Variants in NEDD9 observed in about 807,000 individuals in gnomAD.
NEDD9 encodes enhancer of filamentation 1.
NEDD9 carries 26 observed loss-of-function variants against 76.6 expected under a neutral mutation model. That is an observed-to-expected ratio of 0.34 (90% CI 0.25 to 0.47). The LOEUF (loss-of-function observed/expected upper bound fraction) is 0.47, where lower values mean the gene tolerates loss of function less well. Among genes scored for constraint, NEDD9 ranks in the 20% least tolerant of loss-of-function variants. The pLI is 1.00. For synonymous variants in NEDD9, 392 were observed against 414.2 expected (o/e 0.95, Z 0.65); for missense variants, 937 against 1,058.5 (o/e 0.89, Z 1.59).
intron 4 of NEDD9, among the ~76,000 whole-genome samples, chr6:11,191,695 C>G (rs925211420): frequency 2.6e-5 from 4 of 152,198 alleles, no homozygotes; most frequent in Admixed American, 6.5e-5. Context: ...TTCACTCAAA[C>G]ATACACACTG....
chr6:11,274,146 T>C (rs1241821213), intron 3 of NEDD9, among the ~76,000 whole-genome samples: 3 of 152,168 alleles, frequency 2.0e-5, no homozygotes, highest in Non-Finnish European at 4.4e-5. Context: ...GTTAGGAGCT[T>C]TTTGGAACAT....
chr6:11,361,902 A>T (rs950765707), intron 1 of NEDD9, among the ~76,000 whole-genome samples: 1 of 152,186 alleles, frequency 6.6e-6, no homozygotes, highest in Non-Finnish European at 1.5e-5. Flanking sequence ...AGCCTGGCAT[A>T]TGGAGAAAAA....
chr6:11,286,281 C>A (rs756103123), intron 3 of NEDD9, among the ~76,000 whole-genome samples: 1 of 152,110 alleles, frequency 6.6e-6, no homozygotes, highest in African/African-American at 2.4e-5. Context: ...CAAATTAAAG[C>A]CACTAGAAGG....
intron 2 of NEDD9, among the ~76,000 whole-genome samples, chr6:11,327,993 C>A (rs1271204806): frequency 1.3e-5 from 2 of 152,214 alleles, no homozygotes; most frequent in Non-Finnish European, 2.9e-5. Flanking sequence ...CAGTCAAAAG[C>A]CTTCCACAGA....
intron 3 of NEDD9, among the ~76,000 whole-genome samples, chr6:11,283,638 G>A (rs573309559): frequency 1.3e-5 from 2 of 152,236 alleles, no homozygotes; most frequent in South Asian, 4.1e-4. Flanking sequence ...GAAAGATTTG[G>A]GATCTAATAA....
intron 3 of NEDD9, among the ~76,000 whole-genome samples, chr6:11,264,527 G>A (rs1195692687): frequency 6.6e-6 from 1 of 152,168 alleles, no homozygotes; most frequent in African/African-American, 2.4e-5. Flanking sequence ...AAGGAACACA[G>A]CATCCATGGG....
chr6:11,225,031 T>G (rs914324528), intron 1 of NEDD9, among the ~76,000 whole-genome samples: 2 of 152,212 alleles, frequency 1.3e-5, no homozygotes, highest in East Asian at 3.8e-4. Flanking sequence ...GGTTCAAATC[T>G]GAACTTTACA....
chr6:11,302,035 G>T lies in NEDD9; in HGVS notation c.12+3957C>A, dbSNP rs148641253. ...AAGATCAGAGCAGAACTGAAGGAGAGAGAGACACAAAAAACCCTTCAAAAA... is the reference window on the plus strand; with the variant it reads ...AAGATCAGAGCAGAACTGAAGGAGATAGAGACACAAAAAACCCTTCAAAAA... On this transcript the variant is annotated intron_variant, in intron 3 of 3. Transcript: ENST00000397378. Among the ~76,000 whole-genome samples, 618 of 151,612 alleles carry T rather than the reference G, an allele frequency of 4.1e-3. 6 individuals carry two copies. The East Asian group carries it at 0.052, about 13-fold the overall frequency.
chr6:11,258,113 C>T (rs1302561617), intron 3 of NEDD9, among the ~76,000 whole-genome samples: 1 of 152,156 alleles, frequency 6.6e-6, no homozygotes, highest in African/African-American at 2.4e-5. Flanking sequence ...TCTAAATGAA[C>T]CAAAGTGCAA....
At chr6:11,342,394 A>G (rs1301545978) in intron 1 of NEDD9, among the ~76,000 whole-genome samples, 1 of 136,818 alleles carries the variant, frequency 7.3e-6, no homozygotes, top group African/African-American at 3.1e-5. Flanking sequence ...CAAATGACTG[A>G]ACACTGAAGA....
chr6:11,276,571 C>T (rs1287567505), intron 3 of NEDD9, among the ~76,000 whole-genome samples: 1 of 152,136 alleles, frequency 6.6e-6, no homozygotes, highest in South Asian at 2.1e-4. Flanking sequence ...ACGCTTTTGG[C>T]CCACCTGAAC....
At chr6:11,350,267 T>C (rs866085598) in intron 1 of NEDD9, among the ~76,000 whole-genome samples, 3 of 152,218 alleles carry the variant, frequency 2.0e-5, no homozygotes, top group African/African-American at 7.2e-5. Context: ...CAACATCTTA[T>C]GGGAAAAGAG....
intron 2 of NEDD9, among the ~76,000 whole-genome samples, chr6:11,210,787 G>GAGAGAGAGAGAA: frequency 6.6e-6 from 1 of 151,502 alleles, no homozygotes; most frequent in Non-Finnish European, 1.5e-5. Flanking sequence ...GAGAGAGAGA[G>GAGAGAGAGAGAA]AGAGATAGAA....
At chr6:11,335,317 G>C (rs1433032137) in intron 1 of NEDD9, among the ~76,000 whole-genome samples, 1 of 152,150 alleles carries the variant, frequency 6.6e-6, no homozygotes, top group Non-Finnish European at 1.5e-5. Context: ...CCAAAATATG[G>C]TCATGGTCAC....
intron 3 of NEDD9, among the ~76,000 whole-genome samples, chr6:11,280,084 T>C (rs867752264): frequency 2.6e-5 from 4 of 152,308 alleles, no homozygotes; most frequent in Middle Eastern, 3.4e-3. Context: ...TAGGATGTTT[T>C]GCATCATCCC....
At chr6:11,258,278 A>C in intron 3 of NEDD9, among the ~76,000 whole-genome samples, 1 of 152,228 alleles carries the variant, frequency 6.6e-6, no homozygotes, top group East Asian at 1.9e-4. Flanking sequence ...CAGGGGCTGA[A>C]CCAGGCCACC....
intron 2 of NEDD9, among the ~76,000 whole-genome samples, chr6:11,212,700 G>T (rs1445272036): frequency 6.6e-6 from 1 of 152,176 alleles, no homozygotes; most frequent in Non-Finnish European, 1.5e-5. Flanking sequence ...CAGGAGGATG[G>T]CTTCATTCCA....
chr6:11,218,768 A>G (rs1030635996), intron 1 of NEDD9, among the ~76,000 whole-genome samples: 2 of 152,190 alleles, frequency 1.3e-5, no homozygotes, highest in South Asian at 2.1e-4. Context: ...CAGAAAGAGA[A>G]ATGTCATGTC....
intron 3 of NEDD9, among the ~76,000 whole-genome samples, chr6:11,284,005 G>C (rs1760591225): frequency 6.6e-6 from 1 of 152,176 alleles, no homozygotes; most frequent in South Asian, 2.1e-4. Context: ...AGTTAGTGTA[G>C]ATGCATCCTT....
Sources: gnomAD v4.1 joint callset for allele counts (sites outside exome capture counted in the v4.1 genomes callset) on GRCh38, gnomAD v4.1.1 for gene constraint, MANE v1.5 for transcripts, NCBI Gene and HGNC (gene_info 2026-07-23, HGNC 2026-07-21) for gene names.